Variants in SCN1A observed in about 807,000 individuals in gnomAD.
SCN1A encodes sodium channel protein type 1 subunit alpha.
A neutral mutation model predicts 193.7 loss-of-function variants in SCN1A; 13 were observed. The observed-to-expected ratio is 0.07, with a 90% confidence interval of 0.04 to 0.11. The LOEUF is 0.11. SCN1A is among the 10% of genes least tolerant of loss of function. The pLI is 1.00. For missense variants in SCN1A, 1,432 were observed against 2,451.1 expected (o/e 0.58, Z 8.78); for synonymous variants, 781 against 843.6 (o/e 0.93, Z 1.29).
chr2:166,125,656 G>A (rs1160869597), intron 2 of SCN1A, among the ~76,000 whole-genome samples: 1 of 152,136 alleles, frequency 6.6e-6, no homozygotes, highest in Non-Finnish European at 1.5e-5. Flanking sequence ...TGGTGATAGA[G>A]TTTACTTTGG....
chr2:166,006,795 G>A (rs1691724303), intron 23 of SCN1A, among the ~76,000 whole-genome samples: 2 of 151,224 alleles, frequency 1.3e-5, no homozygotes, highest in Non-Finnish European at 3.0e-5. Context: ...TCAACTGATG[G>A]TATCTAACTG....
At position 165,991,120 on chromosome 2, in the gene SCN1A, T is replaced by G; in HGVS notation, c.*125A>C. The G allele has an allele frequency of 1.2e-6, 1 of 830,308 alleles. No homozygotes were observed. Among genetic ancestry groups the G allele is most frequent in the South Asian group, 1.7e-5 (1 of 58,228 alleles). The allele number at this position is 830,308 out of a possible 1,614,324, so 51.4% of individuals were successfully genotyped here. A position where few individuals can be genotyped will look rare whatever the true frequency, so the allele number is the denominator to read the frequency against. On this transcript the variant is annotated 3_prime_UTR_variant, in exon 29 of 29. Transcript: ENST00000674923. The stretch of plus-strand genomic sequence containing the variant: ...ACTGTCTTATTGTAGGCACTGACCT[T>G]AAGGAGATTTGTGTAAAAACAGTCA...
chr2:166,132,111 A>C (rs1691683715), upstream of SCN1A, among the ~76,000 whole-genome samples: 1 of 152,084 alleles, frequency 6.6e-6, no homozygotes, highest in Non-Finnish European at 1.5e-5. Context: ...CCCAAAGGAG[A>C]TGGTGGTGAC....
At chr2:166,128,817 A>G (rs761083418), upstream of SCN1A, among the ~76,000 whole-genome samples, 26 of 152,210 alleles carry the variant, frequency 1.7e-4, no homozygotes, top group Non-Finnish European at 3.4e-4. Context: ...AGAATTATAA[A>G]AACCATGAAT....
At chr2:166,147,142 C>A (rs1474791668) in intron 1 of SCN1A, among the ~76,000 whole-genome samples, 1 of 152,104 alleles carries the variant, frequency 6.6e-6, no homozygotes, top group Non-Finnish European at 1.5e-5. Flanking sequence ...GCATTCCTAG[C>A]AAGTTCCCAG....
chr2:166,048,228 C>T (rs573951709), intron 10 of SCN1A, among the ~76,000 whole-genome samples: 7 of 152,000 alleles, frequency 4.6e-5, no homozygotes, highest in East Asian at 3.9e-4. Context: ...TTCAGGGGTA[C>T]GTACATGTAC....
At chr2:166,135,817 A>G (rs1691834337) in intron 1 of SCN1A, among the ~76,000 whole-genome samples, 1 of 152,192 alleles carries the variant, frequency 6.6e-6, no homozygotes, top group Non-Finnish European at 1.5e-5. Flanking sequence ...TTTGGGGCCC[A>G]TGAGCTCAGT....
At chr2:166,042,529 A>G (rs1420361245) in intron 14 of SCN1A, 105 bp from the exon 15 acceptor site, 5 of 1,020,050 alleles carry the variant, frequency 4.9e-6, no homozygotes, top group African/African-American at 4.7e-5. Flanking sequence ...TGCATCATGC[A>G]CTTTCATATT....
chr2:166,015,886 A>T, intron 19 of SCN1A, 159 bp from the exon 20 acceptor site: 1 of 749,916 alleles, frequency 1.3e-6, no homozygotes, highest in Non-Finnish European at 2.2e-6. Flanking sequence ...AAATAAGAAA[A>T]TCATTGTCTG....
At chr2:166,039,747 T>A in intron 16 of SCN1A, 151 bp from the exon 17 acceptor site, 2 of 693,264 alleles carry the variant, frequency 2.9e-6, no homozygotes, top group Non-Finnish European at 5.0e-6. Context: ...GATGAAAGAC[T>A]TTCATATACA....
At chr2:166,102,597 T>G (rs1688229198) in intron 2 of SCN1A, among the ~76,000 whole-genome samples, 1 of 151,302 alleles carries the variant, frequency 6.6e-6, no homozygotes. Context: ...ACACTGGTGG[T>G]GAGAATGGAT....
chr2:166,001,276 C>A (rs957328670), intron 24 of SCN1A, among the ~76,000 whole-genome samples: 2 of 151,712 alleles, frequency 1.3e-5, no homozygotes. Flanking sequence ...GCATGAGCCA[C>A]CATGCCCCAC....
Position 166,116,907 on chromosome 2 carries a change from T to C in SCN1A, c.-142+10017A>G, listed in dbSNP as rs557504902. 7.9e-5 allele frequency among the ~76,000 whole-genome samples: 12 copies of C among 152,308 alleles called. No homozygotes were observed. In the South Asian group the frequency reaches 2.1e-3, roughly 26 times the overall value. The stretch of plus-strand genomic sequence containing the variant: ...AAAAAGATCTAATGGGATGAGTGCT[T>C]GGCTAAGTTATGCAGGTCTTCAAAA... On this transcript the variant is annotated intron_variant, in intron 2 of 28. Transcript: ENST00000674923.
intron 23 of SCN1A, among the ~76,000 whole-genome samples, chr2:166,009,012 T>C (rs538272710): frequency 6.6e-6 from 1 of 151,170 alleles, no homozygotes; most frequent in African/African-American, 2.4e-5. Flanking sequence ...AAAATAACAT[T>C]TTGTGTGACT....
chr2:166,012,012 C>CAGACTATAT, intron 22 of SCN1A, 97 bp downstream of exon 22: 1 of 1,097,410 alleles, frequency 9.1e-7, no homozygotes, highest in Non-Finnish European at 1.4e-6. Flanking sequence ...TATAGTCTGT[C>CAGACTATAT]AACATAACAT....
chr2:166,003,371 A>T (rs1484080376), intron 23 of SCN1A, among the ~76,000 whole-genome samples: 1 of 151,662 alleles, frequency 6.6e-6, no homozygotes, highest in Non-Finnish European at 1.5e-5. Flanking sequence ...CAGTCATGTC[A>T]GTTGTTTCAT....
chr2:166,127,885 A>G lies in SCN1A; in HGVS notation c.-343T>C, dbSNP rs75629463. On this transcript the variant is annotated 5_prime_UTR_variant, in exon 1 of 29. Coordinates refer to ENST00000674923, the MANE Select transcript of SCN1A (RefSeq NM_001165963.4). ...CAGATTCCTTCTTGCAAAAGGTGTC[A>G]AAGTATTTACAAGGGCTGCAGTCTC... 6,498 of 152,192 alleles carry G rather than the reference A, an allele frequency of 0.043. 210 individuals are homozygous for G. Among genetic ancestry groups the G allele is most frequent in the South Asian group, 0.067 (323 of 4,812 alleles). The allele number at this position is 152,192 out of a possible 1,614,324, so 9.4% of individuals were successfully genotyped here. A position where few individuals can be genotyped will look rare whatever the true frequency, so the allele number is the denominator to read the frequency against.
At position 166,078,568 on chromosome 2, in the gene SCN1A, A is replaced by C. The variant is rs76912968; in HGVS notation, c.-141-767T>G. On this transcript the variant is annotated intron_variant, in intron 2 of 28. Transcript: ENST00000674923. ...ACTGTAAAACTAGTCTATTTCAAAG[A>C]GAAAAAGTACAATGGAAGAAATGTT... Among the ~76,000 whole-genome samples, 1,126 of 151,824 alleles carry C rather than the reference A, an allele frequency of 7.4e-3. 5 individuals are homozygous for C. The highest frequency in any genetic ancestry group is 0.012 in the Non-Finnish European group (806 of 67,698).
intron 2 of SCN1A, among the ~76,000 whole-genome samples, chr2:166,090,456 A>G (rs1686672652): frequency 6.6e-6 from 1 of 152,214 alleles, no homozygotes; most frequent in Non-Finnish European, 1.5e-5. Flanking sequence ...TGGGAAACAA[A>G]ATAAGTATAT....
Sources: allele counts gnomAD v4.1 joint callset (sites outside exome capture counted in the v4.1 genomes callset), GRCh38; gene constraint gnomAD v4.1.1; transcripts MANE v1.5; gene names NCBI Gene and HGNC (gene_info 2026-07-23, HGNC 2026-07-21).